Variants in ACSL5 observed in about 807,000 individuals in gnomAD.
ACSL5 encodes long-chain-fatty-acid--CoA ligase 5.
ACSL5 carries 50 observed loss-of-function variants against 84.9 expected under a neutral mutation model. That is an observed-to-expected ratio of 0.59 (90% CI 0.47 to 0.75). ACSL5 has a LOEUF of 0.75. Ranked by LOEUF, ACSL5 falls within the 30% of genes least tolerant of loss-of-function variation. ACSL5 has a pLI of 0.00. For synonymous variants in ACSL5, 280 were observed against 300.7 expected (o/e 0.93, Z 0.71); for missense variants, 775 against 830.4 (o/e 0.93, Z 0.82).
At chr10:112,400,138 C>T (rs1843845064) in intron 3 of ACSL5, among the ~76,000 whole-genome samples, 2 of 152,120 alleles carry the variant, frequency 1.3e-5, no homozygotes, top group African/African-American at 2.4e-5. Flanking sequence ...TAAAAACAAA[C>T]CAAACATCAG....
chr10:112,388,092 C>T (rs1159904778), intron 1 of ACSL5, among the ~76,000 whole-genome samples: 1 of 152,048 alleles, frequency 6.6e-6, no homozygotes, highest in East Asian at 1.9e-4. Flanking sequence ...GCATGCGCCA[C>T]CAAGCCCAGC....
rs1021338340 is a variant in ACSL5, at chr10:112,409,517, C to T, written c.543C>T (p.Ala181=). ...TATTTTGGCTTCCAGCTGATATCGCCATGGTGATCTGTGACACACCCCAAA... is the reference window on the plus strand; with the variant it reads ...TATTTTGGCTTCCAGCTGATATCGCTATGGTGATCTGTGACACACCCCAAA... ...IVHIVNKADI[A]MVICDTPQKA... Residue 181 remains alanine (A), a synonymous_variant, in exon 7 of 21, where the codon GCC becomes GCT. Coordinates refer to ENST00000354655, the MANE Select transcript of ACSL5 (RefSeq NM_203379.2). 6.2e-7 allele frequency: 1 copy of T among 1,613,242 alleles called. No individual in the cohort carries two copies. The highest frequency in any genetic ancestry group is 8.5e-7 in the Non-Finnish European group (1 of 1,179,910).
chr10:112,408,783 A>G, intron 6 of ACSL5: 1 of 393,240 alleles, frequency 2.5e-6, no homozygotes, highest in South Asian at 2.6e-5. Context: ...TATAGAGACA[A>G]GACTACTCAC....
chr10:112,385,421 C>T (rs1464759751), intron 1 of ACSL5, among the ~76,000 whole-genome samples: 1 of 152,176 alleles, frequency 6.6e-6, no homozygotes, highest in Non-Finnish European at 1.5e-5. Context: ...AAAGGGCATA[C>T]ATTTTATGAT....
intron 2 of ACSL5, among the ~76,000 whole-genome samples, 153 bp from the exon 3 acceptor site, chr10:112,398,748 A>G (rs1843804026): frequency 6.6e-6 from 1 of 152,176 alleles, no homozygotes; most frequent in South Asian, 2.1e-4. Flanking sequence ...ACATACTATG[A>G]TTTGGGGATT....
intron 12 of ACSL5, 29 bp from the exon 13 acceptor site, chr10:112,416,859 T>C (rs1449511940): frequency 6.2e-7 from 1 of 1,611,130 alleles, no homozygotes; most frequent in Non-Finnish European, 8.5e-7. Context: ...CCAATAGGTT[T>C]CCAACTAAAA....
In ACSL5 at chr10:112,410,972, T is replaced by C. The variant is rs73363060; in HGVS notation, c.796+337T>C. On this transcript the variant is annotated intron_variant, in intron 9 of 20. Transcript: ENST00000354655. ...TCAATCAAGATAACTCAGTGATAGT[T>C]CTCCATAAAGGGCTTCAACCCCACC... 9.4e-3 allele frequency among the ~76,000 whole-genome samples: 1,426 copies of C among 152,226 alleles called. 25 individuals carry two copies. The highest frequency in any genetic ancestry group is 0.033 in the African/African-American group (1,351 of 41,520).
At chr10:112,385,737 G>A (rs532759562) in intron 1 of ACSL5, among the ~76,000 whole-genome samples, 56 of 152,168 alleles carry the variant, frequency 3.7e-4, no homozygotes, top group Admixed American at 1.3e-3. Flanking sequence ...TGAGGGGGTT[G>A]ATACTTTTTC....
At position 112,414,304 on chromosome 10, in the gene ACSL5, AT is replaced by A. The variant is rs1037685351; in HGVS notation, c.1083+1002del. Among the ~76,000 whole-genome samples the A allele has an allele frequency of 2.1e-5, 3 of 144,538 alleles. 1 individual carries two copies. The highest frequency in any genetic ancestry group is 1.5e-5 in the Non-Finnish European group (1 of 65,574). 94.8% of individuals were successfully genotyped at this position (144,538 alleles called of 152,430 possible). Reference sequence around the variant, plus strand: ...GTAGCCAATGAGATTTTCTCTTTGTATTTTTAGGAATTCATAATTTTCAGAT... The same window carrying A: ...GTAGCCAATGAGATTTTCTCTTTGTATTTTAGGAATTCATAATTTTCAGAT... On this transcript the variant is annotated intron_variant, in intron 12 of 20. Transcript: ENST00000354655.
chr10:112,396,073 C>G (rs775345072), intron 2 of ACSL5: 1 of 152,228 alleles, frequency 6.6e-6, no homozygotes, highest in Non-Finnish European at 1.5e-5. Context: ...TGACCTTTTA[C>G]CACTACCATC....
intron 5 of ACSL5, among the ~76,000 whole-genome samples, chr10:112,407,748 C>T (rs555632666): frequency 1.2e-4 from 18 of 152,244 alleles, no homozygotes; most frequent in Admixed American, 3.3e-4. Context: ...TAACCAAATC[C>T]TACTAGTCCT....
In ACSL5 at chr10:112,381,033, G is replaced by A. The variant is rs190145412; in HGVS notation, c.-30+6764G>A. On this transcript the variant is annotated intron_variant, in intron 1 of 20. Coordinates refer to ENST00000354655, the MANE Select transcript of ACSL5 (RefSeq NM_203379.2). ...GATCCTCCAGCCTCAGCCTCCCAAA[G>A]TGCAGAGATTACAGGGATGGGCCAT... 6.5e-4 allele frequency among the ~76,000 whole-genome samples: 99 copies of A among 152,278 alleles called. 2 individuals carry two copies. Among genetic ancestry groups the A allele is most frequent in the South Asian group, 5.8e-3 (28 of 4,828 alleles).
At chr10:112,400,896 G>A (rs958572251) in intron 3 of ACSL5, among the ~76,000 whole-genome samples, 1 of 152,130 alleles carries the variant, frequency 6.6e-6, no homozygotes, top group Non-Finnish European at 1.5e-5. Context: ...CTTTATTGAG[G>A]ATGTGTTGTT....
At chr10:112,426,111 A>C in intron 18 of ACSL5, 147 bp from the exon 19 acceptor site, 1 of 605,506 alleles carries the variant, frequency 1.7e-6, no homozygotes. Flanking sequence ...TGTTGAAAAT[A>C]TATGGTGAGA....
chr10:112,411,804 G>T, intron 10 of ACSL5, 98 bp from the exon 11 acceptor site: 1 of 1,144,456 alleles, frequency 8.7e-7, no homozygotes, highest in Admixed American at 1.7e-5. Context: ...ACAGCTGTCT[G>T]TGGTAGTCCT....
At position 112,405,921 on chromosome 10, in the gene ACSL5, C is replaced by A. The variant is rs922650677; in HGVS notation, c.432+1115C>A. Among the ~76,000 whole-genome samples the A allele has an allele frequency of 1.6e-4, 24 of 152,194 alleles. No individual in the cohort carries two copies. The South Asian group carries it at 2.3e-3, about 14-fold the overall frequency. ...AGTGGATCATTATAAAGGTCTTCAT[C>A]TGAGTCATCTTTACCTTGAGTGGGT... On this transcript the variant is annotated intron_variant, in intron 5 of 20. Coordinates refer to ENST00000354655, the MANE Select transcript of ACSL5 (RefSeq NM_203379.2).
In ACSL5 at chr10:112,417,565, G is replaced by T. The variant is rs1039685767; in HGVS notation, c.1219-281G>T. Among the ~76,000 whole-genome samples the T allele has an allele frequency of 1.3e-5, 2 of 151,894 alleles. No individual in the cohort carries two copies. The highest frequency in any genetic ancestry group is 2.4e-5 in the African/African-American group (1 of 41,326). ...TCTCTCTTATTTTCTTTGGTGGTCT[G>T]TTGAGATTATAAGCAATTTGAGGGG... On this transcript the variant is annotated intron_variant, in intron 13 of 20. Transcript: ENST00000354655.
At chr10:112,401,834 TTC>T (rs1843912150) in intron 3 of ACSL5, among the ~76,000 whole-genome samples, 1 of 98,446 alleles carries the variant, frequency 1.0e-5, no homozygotes, top group East Asian at 3.5e-4. Context: ...CTTTCTTTCT[TTC>T]TTTCTTCCTT....
intron 3 of ACSL5, among the ~76,000 whole-genome samples, chr10:112,401,800 C>CT (rs545227640): frequency 5.8e-5 from 4 of 69,508 alleles, no homozygotes; most frequent in Non-Finnish European, 1.3e-4. Context: ...TTCTTTCTTT[C>CT]TTTCTTTCTT....
Sources: gnomAD v4.1 joint callset for allele counts (sites outside exome capture counted in the v4.1 genomes callset) on GRCh38, gnomAD v4.1.1 for gene constraint, MANE v1.5 for transcripts, NCBI Gene and HGNC (gene_info 2026-07-23, HGNC 2026-07-21) for gene names.